Variants in APTX observed in about 807,000 individuals in gnomAD.
APTX encodes forkhead-associated domain histidine triad-like protein.
APTX carries 33 observed loss-of-function variants against 42.3 expected under a neutral mutation model. The ratio of observed to expected loss-of-function variants is 0.78; its 90% CI spans 0.59 to 1.04. The LOEUF (loss-of-function observed/expected upper bound fraction) is 1.04, where lower values mean the gene tolerates loss of function less well. Ranked by LOEUF, APTX falls within the 50% of genes least tolerant of loss-of-function variation. The probability of loss-of-function intolerance (pLI) is 0.00; values close to 1 mark genes in which losing one functional copy is unlikely to be tolerated. For synonymous variants in APTX, 130 were observed against 146.7 expected, an observed-to-expected ratio of 0.89 and a Z score of 0.82; for missense variants, 421 against 415.1, an observed-to-expected ratio of 1.01 and a Z score of -0.12.
In APTX at chr9:33,019,886, G is replaced by A. The variant is rs1435553219; in HGVS notation, c.-5+5137C>T. 1.7e-5 allele frequency: 10 copies of A among 591,464 alleles called. 1 individual carries two copies. In the South Asian group the frequency reaches 2.3e-4, roughly 14 times the overall value. 36.6% of individuals were successfully genotyped at this position (591,464 alleles called of 1,614,324 possible). ...CCTTTGGTGGGGTTCGGCATCTGGA[G>A]CCAGGGACCCATGGGCAATTTCCAC... On this transcript the variant is annotated intron_variant, in intron 1 of 6. Coordinates refer to the APTX transcript ENST00000436040.
At position 32,988,084 on chromosome 9, in the gene APTX, T is replaced by G; in HGVS notation, c.179A>C (p.Gln60Pro). The change falls in exon 3 of 8, where the codon CAG becomes CCG. Residue 60 changes from glutamine to proline, a missense_variant and splice_region_variant. Transcript: ENST00000379817. ...ATTCCAAGTTATAAATACACCTACC[T>G]GCTTTACCTTGACATATCCCTTGTT... Reference protein sequence around the residue: ...ECNKGYVKVKQVGVNPTSIDS... With the variant: ...ECNKGYVKVKPVGVNPTSIDS... The G allele has an allele frequency of 6.2e-7, 1 of 1,613,962 alleles. No individual in the cohort carries two copies. Among genetic ancestry groups the G allele is most frequent in the Non-Finnish European group, 8.5e-7 (1 of 1,179,802 alleles).
intron 6 of APTX, among the ~76,000 whole-genome samples, chr9:32,975,212 A>C (rs10813912): frequency 6.6e-6 from 1 of 151,920 alleles, no homozygotes. Context: ...GAGCCAGGTC[A>C]TAAAGCCTCT....
At chr9:32,995,313 G>A (rs1471388175) in intron 1 of APTX, among the ~76,000 whole-genome samples, 1 of 152,148 alleles carries the variant, frequency 6.6e-6, no homozygotes, top group East Asian at 1.9e-4. Flanking sequence ...ATTTATGGGA[G>A]GAGGTCAAAA....
At chr9:33,013,234 A>G (rs918684138) in intron 1 of APTX, among the ~76,000 whole-genome samples, 5 of 152,222 alleles carry the variant, frequency 3.3e-5, no homozygotes, top group Non-Finnish European at 7.3e-5. Context: ...ACTCTTCACA[A>G]TAACTCTATG....
chr9:33,011,643 G>T (rs1323047907), intron 1 of APTX, among the ~76,000 whole-genome samples: 1 of 152,186 alleles, frequency 6.6e-6, no homozygotes, highest in African/African-American at 2.4e-5. Context: ...GAATCTTAAA[G>T]AGAGGGAATG....
At chr9:32,998,761 C>T (rs1015917689) in intron 1 of APTX, among the ~76,000 whole-genome samples, 2 of 151,852 alleles carry the variant, frequency 1.3e-5, no homozygotes, top group African/African-American at 4.8e-5. Flanking sequence ...AGGAGAAATA[C>T]CTAATGTAGA....
intron 6 of APTX, among the ~76,000 whole-genome samples, chr9:32,983,016 C>T (rs953284059): frequency 6.6e-6 from 1 of 152,016 alleles, no homozygotes; most frequent in African/African-American, 2.4e-5. Flanking sequence ...GTGATCATAG[C>T]TTACTGTAGC....
In APTX at chr9:32,986,032, TAAAAAAAAA is replaced by T. The variant is rs373304582; in HGVS notation, c.484-11_484-3del. ...TTGACTCCAGTGGCCCAGGGATTCC[TAAAAAAAAA>T]ACAAAAAAAAAAACAAAAAAAAAAA... On this transcript the variant is annotated splice_polypyrimidine_tract_variant and splice_region_variant and intron_variant, in intron 4 of 7. Transcript: ENST00000379817. 2.7e-6 allele frequency: 2 copies of T among 733,346 alleles called. No homozygotes were observed. The highest frequency in any genetic ancestry group is 8.0e-5 in the East Asian group (2 of 24,930). The allele number at this position is 733,346 out of a possible 1,614,324, so 45.4% of individuals were successfully genotyped here.
chr9:32,981,885 A>G (rs1379477016), intron 6 of APTX, among the ~76,000 whole-genome samples: 1 of 152,192 alleles, frequency 6.6e-6, no homozygotes, highest in African/African-American at 2.4e-5. Flanking sequence ...TACCAATACA[A>G]TAACTATTAC....
chr9:32,986,480 A>G (rs1291147969), intron 4 of APTX, among the ~76,000 whole-genome samples: 1 of 150,956 alleles, frequency 6.6e-6, no homozygotes, highest in East Asian at 1.9e-4. Flanking sequence ...TACAGGCGTG[A>G]GCCACCACAC....
intron 1 of APTX, among the ~76,000 whole-genome samples, chr9:33,010,712 C>T (rs117072400): frequency 0.071 from 10,631 of 149,430 alleles, 505 homozygotes; most frequent in Non-Finnish European, 0.11. Context: ...AGAGTGAAAC[C>T]TCGTTCCAAA....
At position 33,022,107 on chromosome 9, in the gene APTX, T is replaced by C. The variant is rs190626636; in HGVS notation, c.-5+2916A>G. Among the ~76,000 whole-genome samples, 550 of 152,218 alleles carry C rather than the reference T, an allele frequency of 3.6e-3. 3 individuals are homozygous for C. The Middle Eastern group carries it at 0.068, about 19-fold the overall frequency. On this transcript the variant is annotated intron_variant, in intron 1 of 6. Coordinates refer to the APTX transcript ENST00000436040. Reference sequence around the variant, plus strand: ...CAAAAAGGAAGAGTCACAATTTATCTACATAAAAATTAAAATCTTTATATG... The same window carrying C: ...CAAAAAGGAAGAGTCACAATTTATCCACATAAAAATTAAAATCTTTATATG...
At chr9:32,992,757 G>A (rs1450715607) in intron 1 of APTX, among the ~76,000 whole-genome samples, 1 of 152,234 alleles carries the variant, frequency 6.6e-6, no homozygotes, top group Non-Finnish European at 1.5e-5. Context: ...GAGAAATCCA[G>A]AGTCAGAGAT....
intron 1 of APTX, among the ~76,000 whole-genome samples, chr9:33,024,638 C>A (rs560967710): frequency 1.3e-5 from 2 of 152,160 alleles, no homozygotes; most frequent in Admixed American, 6.5e-5. Flanking sequence ...TGAGCTCAAT[C>A]TGCACGAATC....
chr9:33,001,593 C>A lies in APTX; in HGVS notation c.-31G>T. 2 of 1,614,000 alleles carry A rather than the reference C, an allele frequency of 1.2e-6. No homozygotes were observed. The highest frequency in any genetic ancestry group is 2.2e-5 in the South Asian group (2 of 91,068). On this transcript the variant is annotated 5_prime_UTR_variant, in exon 1 of 8. Coordinates refer to ENST00000379817, the MANE Select transcript of APTX (RefSeq NM_001195248.2). ...TCCAGAAGTCGGAGACGGACAAATT[C>A]ACGTTACTCATCTGTGCCTCACCGC... is the stretch of plus-strand genomic sequence containing the variant.
At chr9:32,975,691 T>A (rs1317988975) in intron 6 of APTX, among the ~76,000 whole-genome samples, 2 of 152,076 alleles carry the variant, frequency 1.3e-5, no homozygotes, top group African/African-American at 4.8e-5. Context: ...AAAGTTAGAC[T>A]CCATCACTAA....
intron 2 of APTX, 185 bp downstream of exon 2, chr9:32,989,574 T>A: frequency 1.1e-6 from 1 of 893,738 alleles, no homozygotes; most frequent in Non-Finnish European, 1.8e-6. Context: ...CCTTGAACAT[T>A]ATCACATTGG....
At position 32,982,947 on chromosome 9, in the gene APTX, T is replaced by C. The variant is rs112622387; in HGVS notation, c.770+1684A>G. On this transcript the variant is annotated intron_variant, in intron 6 of 7. Transcript: ENST00000379817. ...CATCTCCAAATATTTATTCTTTTTT[T>C]TTCTTCTTCTTTTTTGAGACAGAGT... 2.0e-5 allele frequency among the ~76,000 whole-genome samples: 3 copies of C among 152,086 alleles called. 1 individual carries two copies. The highest frequency in any genetic ancestry group is 7.2e-5 in the African/African-American group (3 of 41,408).
rs113312514 is a variant in APTX at position 32,974,844 on chromosome 9, C to T, written c.771-283G>A. Among the ~76,000 whole-genome samples the T allele has an allele frequency of 5.5e-3, 840 of 151,820 alleles. 8 individuals are homozygous for T. Among genetic ancestry groups the T allele is most frequent in the African/African-American group, 0.019 (796 of 41,364 alleles). On this transcript the variant is annotated intron_variant, in intron 6 of 7. Coordinates refer to ENST00000379817, the MANE Select transcript of APTX (RefSeq NM_001195248.2). Reference sequence around the variant, plus strand: ...AGCCTCTGCCCTTATAGAAATTGTACGCTAATGAGGAAAGACAAATAATAA... The same window carrying T: ...AGCCTCTGCCCTTATAGAAATTGTATGCTAATGAGGAAAGACAAATAATAA...
Sources: gnomAD v4.1 joint callset for allele counts (sites outside exome capture counted in the v4.1 genomes callset) on GRCh38, gnomAD v4.1.1 for gene constraint, MANE v1.5 for transcripts, NCBI Gene and HGNC (gene_info 2026-07-23, HGNC 2026-07-21) for gene names.